Variants in THADA observed in about 807,000 individuals in gnomAD.
THADA encodes the protein THADA armadillo repeat containing.
THADA carries 213 observed loss-of-function variants against 219.8 expected under a neutral mutation model. The observed-to-expected ratio is 0.97, with a 90% CI of 0.87 to 1.09. The LOEUF (loss-of-function observed/expected upper bound fraction) is 1.09, where lower values mean the gene tolerates loss of function less well. Ranked by LOEUF, THADA falls within the 50% of genes least tolerant of loss-of-function variation. The probability of loss-of-function intolerance (pLI) is 0.00; values close to 1 mark genes in which losing one functional copy is unlikely to be tolerated. For missense variants in THADA, 2,956 were observed against 2,311.3 expected (o/e 1.28, Z -5.72); for synonymous variants, 1,018 against 828.9 (o/e 1.23, Z -3.92).
chr2:43,300,062 T>C (rs1421327553), intron 31 of THADA, among the ~76,000 whole-genome samples: 2 of 151,482 alleles, frequency 1.3e-5, no homozygotes, highest in Non-Finnish European at 2.9e-5. Flanking sequence ...CTGACATTTG[T>C]TGAGTATTTA....
chr2:43,302,570 CT>C (rs1676391737), intron 31 of THADA, among the ~76,000 whole-genome samples: 2 of 151,908 alleles, frequency 1.3e-5, no homozygotes, highest in East Asian at 3.9e-4. Context: ...TCCTGGTTTC[CT>C]GGAGAAGTAA....
chr2:43,558,836 T>C (rs961130471), intron 16 of THADA, among the ~76,000 whole-genome samples: 13 of 152,210 alleles, frequency 8.5e-5, no homozygotes, highest in Non-Finnish European at 1.0e-4. Context: ...CTTGAATGCC[T>C]ATTCCTTTAA....
intron 29 of THADA, among the ~76,000 whole-genome samples, chr2:43,348,745 A>G (rs1032159188): frequency 2.6e-5 from 4 of 152,240 alleles, no homozygotes; most frequent in African/African-American, 9.6e-5. Flanking sequence ...GATGGAGATT[A>G]TAAGAGAATC....
At chr2:43,394,282 G>C (rs1403688331) in intron 29 of THADA, among the ~76,000 whole-genome samples, 1 of 152,122 alleles carries the variant, frequency 6.6e-6, no homozygotes, top group Non-Finnish European at 1.5e-5. Context: ...TTTTTTGCAT[G>C]TGCTATAATT....
At chr2:43,346,382 A>G (rs1667629798) in intron 29 of THADA, among the ~76,000 whole-genome samples, 1 of 152,168 alleles carries the variant, frequency 6.6e-6, no homozygotes, top group African/African-American at 2.4e-5. Flanking sequence ...TGAAACTAAG[A>G]TTTGATCAAG....
intron 26 of THADA, among the ~76,000 whole-genome samples, chr2:43,441,086 A>T (rs1490072982): frequency 6.6e-6 from 1 of 152,226 alleles, no homozygotes; most frequent in Non-Finnish European, 1.5e-5. Context: ...TTTCAAAAGT[A>T]TACTGTTAAA....
At chr2:43,556,248 A>G in intron 17 of THADA, 97 bp downstream of exon 17, 1 of 1,524,606 alleles carries the variant, frequency 6.6e-7, no homozygotes, top group Non-Finnish European at 8.8e-7. Flanking sequence ...TTTTAAATAA[A>G]AAACCACAAA....
chr2:43,527,492 C>G (rs770087003), intron 22 of THADA, among the ~76,000 whole-genome samples: 16 of 151,904 alleles, frequency 1.1e-4, no homozygotes, highest in Admixed American at 3.3e-4. Flanking sequence ...AGAAAAAAAC[C>G]AAAATCCTTA....
At chr2:43,491,136 C>G (rs1414433378) in intron 25 of THADA, among the ~76,000 whole-genome samples, 2 of 152,060 alleles carry the variant, frequency 1.3e-5, no homozygotes, top group Non-Finnish European at 2.9e-5. Context: ...TTTTCTGTTC[C>G]CATCCACTAT....
chr2:43,479,015 G>C (rs1167973615), intron 26 of THADA, among the ~76,000 whole-genome samples: 1 of 152,128 alleles, frequency 6.6e-6, no homozygotes, highest in Non-Finnish European at 1.5e-5. Flanking sequence ...TCTGCCTAAA[G>C]AGTAGATAAA....
At chr2:43,499,372 TTTTTA>T (rs948787777) in intron 24 of THADA, among the ~76,000 whole-genome samples, 25 of 152,214 alleles carry the variant, frequency 1.6e-4, no homozygotes, top group African/African-American at 5.1e-4. Context: ...AAAACTTTAT[TTTTTA>T]TTTTATTTTA....
chr2:43,249,210 C>T (rs913279157), intron 36 of THADA, among the ~76,000 whole-genome samples: 1 of 152,098 alleles, frequency 6.6e-6, no homozygotes, highest in Non-Finnish European at 1.5e-5. Flanking sequence ...ACCTCAGTCT[C>T]CTGAGTAACT....
rs1231801517 is a variant in THADA at position 43,551,714 on chromosome 2, TG to T, written c.2947+74del. 3.7e-6 allele frequency: 5 copies of T among 1,337,640 alleles called. No individual in the cohort carries two copies. In the East Asian group the frequency reaches 7.8e-5, roughly 21 times the overall value. The allele number at this position is 1,337,640 out of a possible 1,614,324, so 82.9% of individuals were successfully genotyped here. A position where few individuals can be genotyped will look rare whatever the true frequency, so the allele number is the denominator to read the frequency against. ...TTTTATATCTCCCCAAAGAAATACT[TG>T]GGGAAAAAAAAAAAGAGGTAAAGAC... On this transcript the variant is annotated intron_variant, in intron 19 of 37. Coordinates refer to ENST00000405975, the MANE Select transcript of THADA (RefSeq NM_022065.5).
At position 43,344,028 on chromosome 2, in the gene THADA, A is replaced by G. The variant is rs1251212106; in HGVS notation, c.4343+94T>C. 6.9e-6 allele frequency: 6 copies of G among 874,218 alleles called. No homozygotes were observed. The East Asian group carries it at 8.1e-5, about 12-fold the overall frequency. The allele number at this position is 874,218 out of a possible 1,614,324, so 54.2% of individuals were successfully genotyped here. A position where few individuals can be genotyped will look rare whatever the true frequency, so the allele number is the denominator to read the frequency against. Reference sequence around the variant, plus strand: ...CAATAAGTTTAGAAAACTCATGCCAATGACTTTTAAAACTCCCCACAACTA... The same window carrying G: ...CAATAAGTTTAGAAAACTCATGCCAGTGACTTTTAAAACTCCCCACAACTA... On this transcript the variant is annotated intron_variant, in intron 30 of 37. Coordinates refer to ENST00000405975, the MANE Select transcript of THADA (RefSeq NM_022065.5).
chr2:43,590,668 A>G lies in THADA; in HGVS notation c.302+156T>C, dbSNP rs954676622. Among the ~76,000 whole-genome samples the G allele has an allele frequency of 6.0e-5, 9 of 149,750 alleles. 1 individual carries two copies. ...TCAAAAAAAAAAAAAAAAAAAAAAT[A>G]GTTGTAACTAATCAATGAAACAGAG... On this transcript the variant is annotated intron_variant, in intron 4 of 37. Coordinates refer to ENST00000405975, the MANE Select transcript of THADA (RefSeq NM_022065.5).
chr2:43,378,000 T>C (rs1671575187), intron 29 of THADA, among the ~76,000 whole-genome samples: 1 of 152,232 alleles, frequency 6.6e-6, no homozygotes, highest in African/African-American at 2.4e-5. Context: ...GTTTGTATAG[T>C]ATTTTCACAT....
chr2:43,246,580 C>T (rs10865191), intron 36 of THADA, among the ~76,000 whole-genome samples: 152,264 of 152,332 alleles, frequency 1, 76,098 homozygotes, highest in Middle Eastern at 1. Flanking sequence ...CCCCCTAGGC[C>T]TTTACAGCTC....
chr2:43,249,298 G>A (rs1669576447), intron 36 of THADA, among the ~76,000 whole-genome samples: 1 of 152,122 alleles, frequency 6.6e-6, no homozygotes, highest in Admixed American at 6.6e-5. Flanking sequence ...ATGTTGTCCA[G>A]GCTGGTCTTG....
chr2:43,416,525 A>C (rs191828592), intron 28 of THADA, among the ~76,000 whole-genome samples: 3 of 152,320 alleles, frequency 2.0e-5, no homozygotes, highest in Admixed American at 2.0e-4. Context: ...ACTGAGGCCT[A>C]CTACAGCCTA....
Sources: allele counts gnomAD v4.1 joint callset (sites outside exome capture counted in the v4.1 genomes callset), GRCh38; gene constraint gnomAD v4.1.1; transcripts MANE v1.5; gene names NCBI Gene and HGNC (gene_info 2026-07-23, HGNC 2026-07-21).